The following CWC27 variants were observed in gnomAD, a reference collection of about 807,000 sequenced individuals.
CWC27 encodes the protein spliceosome-associated protein CWC27 homolog.
In CWC27, 47 loss-of-function variants were observed where a neutral mutation model predicts 63.6. The observed-to-expected ratio is 0.74, with a 90% CI of 0.58 to 0.94. CWC27 has a LOEUF of 0.94. CWC27 is among the 40% of genes least tolerant of loss of function. The probability of loss-of-function intolerance (pLI) is 0.00; values close to 1 mark genes in which losing one functional copy is unlikely to be tolerated. For synonymous variants in CWC27, 175 were observed against 179.8 expected (o/e 0.97, Z 0.22); for missense variants, 495 against 554.3 (o/e 0.89, Z 1.07).
chr5:64,899,972 C>T (rs901591639), intron 11 of CWC27, among the ~76,000 whole-genome samples: 1 of 152,024 alleles, frequency 6.6e-6, no homozygotes, highest in African/African-American at 2.4e-5. Flanking sequence ...CAGATTTATC[C>T]ATGTTGTATA....
chr5:64,900,652 A>G (rs1199689907), intron 11 of CWC27, among the ~76,000 whole-genome samples: 2 of 151,882 alleles, frequency 1.3e-5, no homozygotes, highest in Non-Finnish European at 2.9e-5. Flanking sequence ...AAGATCTTCT[A>G]TGTGTTTTTT....
intron 10 of CWC27, among the ~76,000 whole-genome samples, chr5:64,874,860 A>G (rs1238149952): frequency 6.6e-6 from 1 of 151,666 alleles, no homozygotes; most frequent in Non-Finnish European, 1.5e-5. Flanking sequence ...CAGGTTATCT[A>G]GTATACTGCC....
chr5:64,778,439 G>C (rs1384772277), intron 2 of CWC27, among the ~76,000 whole-genome samples: 1 of 152,014 alleles, frequency 6.6e-6, no homozygotes, highest in African/African-American at 2.4e-5. Flanking sequence ...GTATTGGTTG[G>C]CTGCTTATTA....
intron 11 of CWC27, among the ~76,000 whole-genome samples, chr5:64,939,354 C>A (rs1748423564): frequency 6.6e-6 from 1 of 152,156 alleles, no homozygotes; most frequent in Admixed American, 6.5e-5. Flanking sequence ...TGTTAGTTTT[C>A]CTTCTGACAG....
At chr5:64,832,127 C>T (rs1745538748) in intron 10 of CWC27, among the ~76,000 whole-genome samples, 1 of 151,660 alleles carries the variant, frequency 6.6e-6, no homozygotes, top group South Asian at 2.1e-4. Flanking sequence ...CATTAAAATC[C>T]ATTGGTTTAT....
chr5:64,780,190 T>C (rs1465544530), intron 2 of CWC27, among the ~76,000 whole-genome samples: 1 of 152,170 alleles, frequency 6.6e-6, no homozygotes, highest in African/African-American at 2.4e-5. Context: ...TTCTTTCACT[T>C]AGCATGTTTT....
intron 11 of CWC27, among the ~76,000 whole-genome samples, chr5:64,944,386 G>C (rs773038177): frequency 6.6e-6 from 1 of 152,014 alleles, no homozygotes; most frequent in African/African-American, 2.4e-5. Flanking sequence ...CCTATTACCA[G>C]ATTTTACACT....
intron 11 of CWC27, among the ~76,000 whole-genome samples, chr5:64,939,405 G>C (rs1360532328): frequency 6.6e-6 from 1 of 152,160 alleles, no homozygotes; most frequent in Non-Finnish European, 1.5e-5. Flanking sequence ...TTTGTTGGAG[G>C]TCCACTCCAG....
intron 13 of CWC27, among the ~76,000 whole-genome samples, chr5:64,992,782 C>G (rs562150255): frequency 3.3e-5 from 5 of 151,872 alleles, no homozygotes; most frequent in Non-Finnish European, 5.9e-5. Flanking sequence ...ATCCACCTGC[C>G]TCAGCCTCCC....
chr5:64,929,576 A>T (rs914180268), intron 11 of CWC27, among the ~76,000 whole-genome samples: 5 of 152,228 alleles, frequency 3.3e-5, no homozygotes, highest in Non-Finnish European at 7.3e-5. Context: ...TCTGAAAAAG[A>T]TATGCAAATG....
chr5:64,883,892 G>A (rs1298446067), intron 10 of CWC27, among the ~76,000 whole-genome samples: 1 of 152,184 alleles, frequency 6.6e-6, no homozygotes, highest in Non-Finnish European at 1.5e-5. Context: ...AATTGTAAAA[G>A]AGAGAAGATA....
At chr5:64,822,863 A>G (rs1223608461) in intron 10 of CWC27, among the ~76,000 whole-genome samples, 2 of 152,226 alleles carry the variant, frequency 1.3e-5, no homozygotes, top group Admixed American at 6.5e-5. Context: ...ACTTTTTACA[A>G]TTTGAAAATG....
At chr5:64,972,969 T>G (rs1214461350) in intron 12 of CWC27, among the ~76,000 whole-genome samples, 2 of 152,200 alleles carry the variant, frequency 1.3e-5, no homozygotes, top group Non-Finnish European at 2.9e-5. Context: ...GGGCCTTACA[T>G]GGCTTAAGAA....
rs149995693 is a variant in CWC27 at position 64,837,803 on chromosome 5, G to A, written c.938+33417G>A. Among the ~76,000 whole-genome samples, 58 of 151,920 alleles carry A rather than the reference G, an allele frequency of 3.8e-4. 1 individual carries two copies. The East Asian group carries it at 9.3e-3, about 24-fold the overall frequency. On this transcript the variant is annotated intron_variant, in intron 10 of 13. Coordinates refer to ENST00000381070, the MANE Select transcript of CWC27 (RefSeq NM_005869.4). ...AACTACAAAATATGAAATAGTTGTC[G>A]CCGATCATAGAAACCTCTTTACTTT...
At chr5:64,782,758 T>C (rs1238301262) in intron 3 of CWC27, among the ~76,000 whole-genome samples, 1 of 152,158 alleles carries the variant, frequency 6.6e-6, no homozygotes, top group East Asian at 1.9e-4. Context: ...TTTTAATGAG[T>C]CATTGTGTGA....
chr5:65,005,353 G>C (rs1209071848), intron 13 of CWC27, among the ~76,000 whole-genome samples: 1 of 152,082 alleles, frequency 6.6e-6, no homozygotes, highest in Admixed American at 6.5e-5. Context: ...TGGGCCCCAG[G>C]ATGGCATGCT....
Position 64,899,531 on chromosome 5 carries a change from C to T in CWC27, c.1042+13985C>T, listed in dbSNP as rs192785331. On this transcript the variant is annotated intron_variant, in intron 11 of 13. Transcript: ENST00000381070. ...TGAATCTATGACAACACGAAGAGCA[C>T]AGATGCACATTTAAATAATGGGCAA... Among the ~76,000 whole-genome samples, 10 of 152,188 alleles carry T rather than the reference C, an allele frequency of 6.6e-5. No individual in the cohort carries two copies. The East Asian group carries it at 1.7e-3, about 26-fold the overall frequency.
At chr5:65,016,366 T>C (rs1026627014) in intron 13 of CWC27, among the ~76,000 whole-genome samples, 6 of 152,114 alleles carry the variant, frequency 3.9e-5, no homozygotes, top group Admixed American at 1.3e-4. Context: ...CTAAGCATGG[T>C]GGCATGCGCT....
intron 11 of CWC27, among the ~76,000 whole-genome samples, chr5:64,939,292 C>G (rs920799939): frequency 8.6e-5 from 13 of 151,892 alleles, no homozygotes; most frequent in African/African-American, 3.1e-4. Context: ...ATGGGGTTGT[C>G]TTGTCGGCGT....
Sources: allele counts gnomAD v4.1 joint callset (sites outside exome capture counted in the v4.1 genomes callset), GRCh38; gene constraint gnomAD v4.1.1; transcripts MANE v1.5; gene names NCBI Gene and HGNC (gene_info 2026-07-23, HGNC 2026-07-21).